RNF150: variants seen among roughly 807,000 people sequenced by gnomAD.
The protein encoded by RNF150 is ring finger protein 150.
In RNF150, 24 loss-of-function variants were observed where a neutral mutation model predicts 39.3. That is an observed-to-expected ratio of 0.61 (90% CI 0.44 to 0.86). RNF150 has a LOEUF of 0.86. RNF150 is among the 40% of genes least tolerant of loss of function. The pLI is 0.00. For synonymous variants in RNF150, 255 were observed against 227.3 expected, an observed-to-expected ratio of 1.12 and a Z score of -1.10; for missense variants, 502 against 587.8, an observed-to-expected ratio of 0.85 and a Z score of 1.51.
In RNF150 at chr4:140,884,757, G is replaced by T. The variant is rs1231714231; in HGVS notation, c.1199-16378C>A. 2.0e-5 allele frequency among the ~76,000 whole-genome samples: 3 copies of T among 152,244 alleles called. No homozygotes were observed. In the East Asian group the frequency reaches 5.8e-4, roughly 29 times the overall value. On this transcript the variant is annotated intron_variant, in intron 6 of 6. Coordinates refer to ENST00000515673, the MANE Select transcript of RNF150 (RefSeq NM_020724.2). ...TTAGATTTCGGGAAGACAGAAGCCA[G>T]TCCCTTAGGTAACACCCCCTCCAAA...
chr4:141,139,218 C>T (rs1034189100), intron 1 of RNF150, among the ~76,000 whole-genome samples: 1 of 152,052 alleles, frequency 6.6e-6, no homozygotes, highest in Non-Finnish European at 1.5e-5. Context: ...GACCCTGTCT[C>T]GAAAAAATAA....
intron 6 of RNF150, among the ~76,000 whole-genome samples, chr4:140,892,385 C>G (rs1729783952): frequency 6.6e-6 from 1 of 152,140 alleles, no homozygotes; most frequent in Non-Finnish European, 1.5e-5. Context: ...CCAAATGCCT[C>G]CGCTTGTAGT....
intron 1 of RNF150, among the ~76,000 whole-genome samples, chr4:140,984,861 T>A (rs1733972103): frequency 6.6e-6 from 1 of 152,170 alleles, no homozygotes; most frequent in East Asian, 1.9e-4. Flanking sequence ...CTGCACTGTT[T>A]CCCAGAGCTC....
Position 141,171,859 on chromosome 4 carries a change from G to A in RNF150, c.-6+40935C>T, listed in dbSNP as rs537580694. Among the ~76,000 whole-genome samples, 21 of 152,210 alleles carry A rather than the reference G, an allele frequency of 1.4e-4. 1 individual carries two copies. In the South Asian group the frequency reaches 4.4e-3, roughly 32 times the overall value. On this transcript the variant is annotated intron_variant, in intron 1 of 7. Transcript: ENST00000420921. Reference sequence around the variant, plus strand: ...CTTCAGATTTCAGATACATCCCAAAGCCCCCTTGAAGAACTTGTCACCAGT... The same window carrying A: ...CTTCAGATTTCAGATACATCCCAAAACCCCCTTGAAGAACTTGTCACCAGT...
intron 2 of RNF150, among the ~76,000 whole-genome samples, chr4:140,960,767 T>A (rs1172023373): frequency 2.6e-5 from 4 of 152,172 alleles, no homozygotes; most frequent in Non-Finnish European, 5.9e-5. Flanking sequence ...AAAGGCCATA[T>A]GTAGACTAAA....
chr4:140,936,260 C>T (rs1025218730), intron 4 of RNF150, among the ~76,000 whole-genome samples: 2 of 152,130 alleles, frequency 1.3e-5, no homozygotes, highest in Non-Finnish European at 2.9e-5. Context: ...ATCAGTCTTT[C>T]TGTTAATATA....
At chr4:141,089,413 G>C (rs577505277) in intron 1 of RNF150, among the ~76,000 whole-genome samples, 3 of 152,258 alleles carry the variant, frequency 2.0e-5, no homozygotes, top group East Asian at 3.9e-4. Flanking sequence ...AGCCAACTGG[G>C]GGGAGGGGGA....
chr4:141,210,204 G>T (rs1169124904), intron 1 of RNF150, among the ~76,000 whole-genome samples: 1 of 152,122 alleles, frequency 6.6e-6, no homozygotes, highest in Non-Finnish European at 1.5e-5. Flanking sequence ...ATGCTTGGCT[G>T]GTTTTAATCT....
rs553345359 is a variant in RNF150 at position 141,067,956 on chromosome 4, T to A, written c.484+64369A>T. On this transcript the variant is annotated intron_variant, in intron 1 of 6. Coordinates refer to ENST00000515673, the MANE Select transcript of RNF150 (RefSeq NM_020724.2). Reference sequence around the variant, plus strand: ...ACTGGAACAGAGTCAAGATACTTTTTTTTTTTTTTGAGACAGAGTCACTCA... The same window carrying A: ...ACTGGAACAGAGTCAAGATACTTTTATTTTTTTTTGAGACAGAGTCACTCA... Among the ~76,000 whole-genome samples the A allele has an allele frequency of 5.3e-5, 8 of 152,192 alleles. No homozygotes were observed. The East Asian group carries it at 1.4e-3, about 26-fold the overall frequency.
At chr4:140,950,448 T>C (rs1732499518) in intron 2 of RNF150, among the ~76,000 whole-genome samples, 1 of 152,228 alleles carries the variant, frequency 6.6e-6, no homozygotes, top group Non-Finnish European at 1.5e-5. Context: ...AAAAGCACTA[T>C]TTAATAGAAT....
chr4:140,956,934 C>A (rs1245961289), intron 2 of RNF150, among the ~76,000 whole-genome samples: 2 of 151,132 alleles, frequency 1.3e-5, no homozygotes, highest in African/African-American at 2.4e-5. Context: ...AAACATTAGA[C>A]CTAAAACCAT....
chr4:141,189,401 T>G (rs1728067054), intron 1 of RNF150, among the ~76,000 whole-genome samples: 2 of 152,204 alleles, frequency 1.3e-5, no homozygotes, highest in African/African-American at 4.8e-5. Flanking sequence ...GGAGGCAGTC[T>G]GTCCCTTAGC....
intron 1 of RNF150, among the ~76,000 whole-genome samples, chr4:141,081,535 CT>C (rs1738147475): frequency 6.6e-6 from 1 of 152,164 alleles, no homozygotes; most frequent in Non-Finnish European, 1.5e-5. Flanking sequence ...CAAAATTTCC[CT>C]ATTAAAACAG....
chr4:141,144,508 C>G (rs1727170084), intron 1 of RNF150, among the ~76,000 whole-genome samples: 1 of 152,076 alleles, frequency 6.6e-6, no homozygotes, highest in Non-Finnish European at 1.5e-5. Flanking sequence ...ATCGTGAATT[C>G]TATGCAGGAG....
intron 1 of RNF150, among the ~76,000 whole-genome samples, chr4:141,073,089 A>G (rs779790959): frequency 3.9e-5 from 6 of 152,028 alleles, no homozygotes; most frequent in Non-Finnish European, 7.4e-5. Context: ...ATCAGCCATC[A>G]TGTTAATCCC....
At chr4:141,137,075 A>C (rs926596812), upstream of RNF150, among the ~76,000 whole-genome samples, 2 of 152,244 alleles carry the variant, frequency 1.3e-5, no homozygotes, top group Non-Finnish European at 2.9e-5. Flanking sequence ...TTTGATATGC[A>C]GAAAAACAGC....
At chr4:141,029,116 T>C (rs1000133213) in intron 1 of RNF150, among the ~76,000 whole-genome samples, 3 of 152,188 alleles carry the variant, frequency 2.0e-5, no homozygotes, top group African/African-American at 7.2e-5. Flanking sequence ...GTTAACTATA[T>C]ATAACTTGTG....
chr4:141,055,008 T>C (rs991330582), intron 1 of RNF150, among the ~76,000 whole-genome samples: 1 of 152,122 alleles, frequency 6.6e-6, no homozygotes, highest in Non-Finnish European at 1.5e-5. Flanking sequence ...AATGTTATTA[T>C]TGAGGAGCAC....
At chr4:141,182,969 G>T (rs1727937595) in intron 1 of RNF150, among the ~76,000 whole-genome samples, 1 of 151,918 alleles carries the variant, frequency 6.6e-6, no homozygotes. Context: ...CCTGGTACTG[G>T]TACCAAAACA....
Sources: allele counts gnomAD v4.1 joint callset (sites outside exome capture counted in the v4.1 genomes callset), GRCh38; gene constraint gnomAD v4.1.1; transcripts MANE v1.5; gene names NCBI Gene and HGNC (gene_info 2026-07-23, HGNC 2026-07-21).